The following RNF144B variants were observed in gnomAD, a reference collection of about 807,000 sequenced individuals.
RNF144B encodes the protein ring finger protein 144B.
In RNF144B, 25 loss-of-function variants were observed where a neutral mutation model predicts 40.2. That is an observed-to-expected ratio of 0.62 (90% CI 0.45 to 0.87). The LOEUF (loss-of-function observed/expected upper bound fraction) is 0.87. Ranked by LOEUF, RNF144B falls within the 40% of genes least tolerant of loss-of-function variation. The pLI, the probability that RNF144B is intolerant of heterozygous loss-of-function variation, is 0.00. For synonymous variants in RNF144B, 145 were observed against 136.3 expected (o/e 1.06, Z -0.44); for missense variants, 365 against 373.7 (o/e 0.98, Z 0.19).
In RNF144B at chr6:18,394,026, C is replaced by T. The variant is rs1057154729; in HGVS notation, c.-36-5473C>T. 3.3e-5 allele frequency among the ~76,000 whole-genome samples: 5 copies of T among 152,296 alleles called. 1 individual carries two copies. In the South Asian group the frequency reaches 1.0e-3, roughly 32 times the overall value. ...TGCAGATCAACTGGATTTTTATTTA[C>T]ATTAATATCCTGTGGCATCAGTAAT... On this transcript the variant is annotated intron_variant, in intron 1 of 7. Coordinates refer to ENST00000259939, the MANE Select transcript of RNF144B (RefSeq NM_182757.4).
Position 18,460,685 on chromosome 6 carries a change from C to G in RNF144B, c.681+934C>G, listed in dbSNP as rs781028478. Among the ~76,000 whole-genome samples the G allele has an allele frequency of 6.6e-6, 1 of 152,110 alleles. No individual in the cohort carries two copies. The highest frequency in any genetic ancestry group is 6.5e-5 in the Admixed American group (1 of 15,276). ...GTATCGCTACTGTTTTGACAGTGTT[C>G]CCTTCCCAGATCAAGGGGCTTGGCT... On this transcript the variant is annotated intron_variant, in intron 6 of 7. Coordinates refer to ENST00000259939, the MANE Select transcript of RNF144B (RefSeq NM_182757.4). This position sits in a 1 kb window ranked among gnomAD's most constrained non-coding sequence, Gnocchi z 4.4.
In RNF144B at chr6:18,443,134, T is replaced by G. The variant is rs1044023293; in HGVS notation, c.331+3390T>G. Among the ~76,000 whole-genome samples, 2 of 152,224 alleles carry G rather than the reference T, an allele frequency of 1.3e-5. No individual in the cohort carries two copies. The highest frequency in any genetic ancestry group is 2.9e-5 in the Non-Finnish European group (2 of 68,040). ...AAAACCCTATAATTTAAATATAAATTTAATAGACATCTTACTGTCATAAAG... is the reference window on the plus strand; with the variant it reads ...AAAACCCTATAATTTAAATATAAATGTAATAGACATCTTACTGTCATAAAG... On this transcript the variant is annotated intron_variant, in intron 4 of 7. Coordinates refer to ENST00000259939, the MANE Select transcript of RNF144B (RefSeq NM_182757.4). The surrounding 1 kb of genome is among the most constrained non-coding windows in gnomAD (Gnocchi z 4.7).
chr6:18,393,188 A>C (rs1021838778), intron 1 of RNF144B, among the ~76,000 whole-genome samples: 1 of 151,994 alleles, frequency 6.6e-6, no homozygotes, highest in Non-Finnish European at 1.5e-5. Context: ...CCTGACTACG[A>C]GAGGGGCAGC....
intron 1 of RNF144B, among the ~76,000 whole-genome samples, chr6:18,394,803 T>C (rs903039863): frequency 3.3e-5 from 5 of 152,200 alleles, no homozygotes; most frequent in Admixed American, 6.5e-5. Flanking sequence ...TATCAGATAG[T>C]ACTTGCTTCT....
rs1582433391 is a variant in RNF144B at position 18,439,804 on chromosome 6, C to G, written c.331+60C>G. On this transcript the variant is annotated intron_variant, in intron 4 of 7. Coordinates refer to ENST00000259939, the MANE Select transcript of RNF144B (RefSeq NM_182757.4). The stretch of plus-strand genomic sequence containing the variant: ...TGGTTTTACATGTGTCATTTTTACA[C>G]TAACCCACATGGAAGATAAAGGCAG... 3 of 1,140,886 alleles carry G rather than the reference C, an allele frequency of 2.6e-6. No homozygotes were observed. The East Asian group carries it at 7.0e-5, about 27-fold the overall frequency. 70.7% of individuals were successfully genotyped at this position (1,140,886 alleles called of 1,614,324 possible).
chr6:18,443,656 A>G lies in RNF144B; in HGVS notation c.331+3912A>G, dbSNP rs1166318084. On this transcript the variant is annotated intron_variant, in intron 4 of 7. Transcript: ENST00000259939. The surrounding 1 kb of genome is among the most constrained non-coding windows in gnomAD (Gnocchi z 4.7). The stretch of plus-strand genomic sequence containing the variant: ...GAAAATGGACATTTCAAATAAGAGT[A>G]AATTTAAGTTAATGAAGTGCTACAT... Among the ~76,000 whole-genome samples the G allele has an allele frequency of 1.3e-5, 2 of 152,086 alleles. No individual in the cohort carries two copies. The highest frequency in any genetic ancestry group is 2.9e-5 in the Non-Finnish European group (2 of 68,022).
rs1759093146 is a variant in RNF144B at position 18,446,843 on chromosome 6, GT to G, written c.331+7100del. On this transcript the variant is annotated intron_variant, in intron 4 of 7. Coordinates refer to ENST00000259939, the MANE Select transcript of RNF144B (RefSeq NM_182757.4). This position sits in a 1 kb window ranked among gnomAD's most constrained non-coding sequence, Gnocchi z 4.7. ...AGTTTTATTGGTTCTATTTTAGGGT[GT>G]GTGTGTGTGTGTGTGTGTGTGTGTG... Among the ~76,000 whole-genome samples the G allele has an allele frequency of 1.7e-5, 1 of 58,196 alleles. No homozygotes were observed. The highest frequency in any genetic ancestry group is 3.9e-5 in the Non-Finnish European group (1 of 25,406). The allele number at this position is 58,196 out of a possible 152,430, so 38.2% of individuals were successfully genotyped here.
In RNF144B at chr6:18,414,339, T is replaced by A. The variant is rs1298902136; in HGVS notation, c.166-13242T>A. ...TCTTAACTGATGTCCCTTGTTCCTATCATTCCATGTATAGAAATAATATCT... is the reference window on the plus strand; with the variant it reads ...TCTTAACTGATGTCCCTTGTTCCTAACATTCCATGTATAGAAATAATATCT... On this transcript the variant is annotated intron_variant, in intron 2 of 7. Transcript: ENST00000259939. This position sits in a 1 kb window ranked among gnomAD's most constrained non-coding sequence, Gnocchi z 4.9. Among the ~76,000 whole-genome samples the A allele has an allele frequency of 1.3e-5, 2 of 152,164 alleles. No individual in the cohort carries two copies. The highest frequency in any genetic ancestry group is 4.8e-5 in the African/African-American group (2 of 41,434).
chr6:18,453,327 TG>T (rs1208548495), intron 4 of RNF144B, among the ~76,000 whole-genome samples: 3 of 151,542 alleles, frequency 2.0e-5, no homozygotes, highest in Non-Finnish European at 2.9e-5. Context: ...TTAGTAGAGA[TG>T]GGGTTTCACC....
intron 2 of RNF144B, among the ~76,000 whole-genome samples, chr6:18,409,492 G>C (rs12190273): frequency 0.65 from 95,340 of 147,086 alleles, 30,999 homozygotes; most frequent in Non-Finnish European, 0.7. Flanking sequence ...TTAAGAAATA[G>C]TAACTTATGC....
At chr6:18,397,875 T>C (rs1030282025) in intron 1 of RNF144B, among the ~76,000 whole-genome samples, 7 of 152,118 alleles carry the variant, frequency 4.6e-5, no homozygotes, top group Non-Finnish European at 8.8e-5. Flanking sequence ...TCTGAGAACT[T>C]TGGCAGATTA....
Position 18,459,093 on chromosome 6 carries a change from C to G in RNF144B, c.537-514C>G, listed in dbSNP as rs502263. 0.22 allele frequency among the ~76,000 whole-genome samples: 32,960 copies of G among 149,420 alleles called. 3,583 individuals are homozygous for G. The highest frequency in any genetic ancestry group is 0.26 in the East Asian group (1,336 of 5,172). ...GTGTTACATGGTGCTATCGCTCACT[C>G]CAATTCCTGTTGCTTATTTTCTGTG... On this transcript the variant is annotated intron_variant, in intron 5 of 7. Transcript: ENST00000259939. This position sits in a 1 kb window ranked among gnomAD's most constrained non-coding sequence, Gnocchi z 4.2.
intron 2 of RNF144B, 112 bp downstream of exon 2, chr6:18,399,811 T>C: frequency 2.5e-6 from 2 of 807,804 alleles, no homozygotes; most frequent in Non-Finnish European, 3.9e-6. Flanking sequence ...AATATGATCC[T>C]GCTTTGGAAA....
rs1462464811 is a variant in RNF144B, at chr6:18,398,575, G to A, written c.-36-924G>A. Among the ~76,000 whole-genome samples the A allele has an allele frequency of 1.3e-5, 2 of 152,064 alleles. No homozygotes were observed. Among genetic ancestry groups the A allele is most frequent in the Non-Finnish European group, 2.9e-5 (2 of 68,000 alleles). On this transcript the variant is annotated intron_variant, in intron 1 of 7. Coordinates refer to ENST00000259939, the MANE Select transcript of RNF144B (RefSeq NM_182757.4). The surrounding 1 kb of genome is among the most constrained non-coding windows in gnomAD (Gnocchi z 5.0). ...TATTTTTTGTAATTTTGTATTTTTA[G>A]TAGAGACGAGGTTTCACCATGTTGG...
chr6:18,451,336 T>C (rs552151087), intron 4 of RNF144B, among the ~76,000 whole-genome samples: 1 of 152,356 alleles, frequency 6.6e-6, no homozygotes, highest in African/African-American at 2.4e-5. Context: ...TGTCTAATTT[T>C]CAGTCTTATT....
intron 2 of RNF144B, 65 bp from the exon 3 acceptor site, chr6:18,427,516 C>A: frequency 9.4e-7 from 1 of 1,066,242 alleles, no homozygotes; most frequent in Non-Finnish European, 1.4e-6. Context: ...AGTGGTGGTT[C>A]TGTTATGTAA....
At position 18,406,457 on chromosome 6, in the gene RNF144B, A is replaced by AGTGTGTGTGTGTGT. The variant is rs58124564; in HGVS notation, c.165+6789_165+6802dup. Among the ~76,000 whole-genome samples the AGTGTGTGTGTGTGT allele has an allele frequency of 2.2e-3, 282 of 130,998 alleles. 2 individuals are homozygous for AGTGTGTGTGTGTGT. Among genetic ancestry groups the AGTGTGTGTGTGTGT allele is most frequent in the African/African-American group, 7.0e-3 (244 of 34,716 alleles). 85.9% of individuals were successfully genotyped at this position (130,998 alleles called of 152,430 possible). A position where few individuals can be genotyped will look rare whatever the true frequency, so the allele number is the denominator to read the frequency against. On this transcript the variant is annotated intron_variant, in intron 2 of 7. Transcript: ENST00000259939. This position sits in a 1 kb window ranked among gnomAD's most constrained non-coding sequence, Gnocchi z 4.2. ...CAAAGGAGGCTGGTGTGGCTGGAAA[A>AGTGTGTGTGTGTGT]GTGTGTGTGTGTGTGTGTGTGTGTG...
At chr6:18,454,245 T>C (rs963041625) in intron 4 of RNF144B, among the ~76,000 whole-genome samples, 3 of 152,266 alleles carry the variant, frequency 2.0e-5, no homozygotes, top group African/African-American at 7.2e-5. Flanking sequence ...TGCCTCTCAT[T>C]GGCTAGAATC....
chr6:18,417,401 G>C (rs1454119528), intron 2 of RNF144B, among the ~76,000 whole-genome samples: 1 of 152,098 alleles, frequency 6.6e-6, no homozygotes, highest in Non-Finnish European at 1.5e-5. Context: ...ATAGAATTGA[G>C]AGTCCATAAA....
Sources: gnomAD v4.1 joint callset for allele counts (sites outside exome capture counted in the v4.1 genomes callset) on GRCh38, gnomAD v4.1.1 for gene constraint, Gnocchi (gnomAD v3.1) non-coding constraint, MANE v1.5 for transcripts, NCBI Gene and HGNC (gene_info 2026-07-23, HGNC 2026-07-21) for gene names.